Variants in CIT observed in about 807,000 individuals in gnomAD.
CIT encodes the protein citron rho-interacting serine/threonine kinase.
In CIT, 79 loss-of-function variants were observed where a neutral mutation model predicts 272.7. The ratio of observed to expected loss-of-function variants is 0.29; its 90% CI spans 0.24 to 0.35. The LOEUF (loss-of-function observed/expected upper bound fraction) is 0.35, where lower values mean the gene tolerates loss of function less well. Ranked by LOEUF, CIT falls within the 10% of genes least tolerant of loss-of-function variation. The pLI, the probability that CIT is intolerant of heterozygous loss-of-function variation, is 1.00. For synonymous variants in CIT, 948 were observed against 995.6 expected, an observed-to-expected ratio of 0.95 and a Z score of 0.90; for missense variants, 1,909 against 2,618.3, an observed-to-expected ratio of 0.73 and a Z score of 5.91.
intron 24 of CIT, among the ~76,000 whole-genome samples, chr12:119,740,019 A>G (rs538391157): frequency 6.6e-6 from 1 of 152,364 alleles, no homozygotes; most frequent in East Asian, 1.9e-4. Context: ...TAGGTTACTA[A>G]GAGGCCAATT....
intron 46 of CIT, among the ~76,000 whole-genome samples, chr12:119,693,797 A>T (rs1402765327): frequency 6.6e-6 from 1 of 152,226 alleles, no homozygotes; most frequent in Non-Finnish European, 1.5e-5. Flanking sequence ...CAAAAGAGAG[A>T]TTATTCATTA....
rs530953407 is a variant in CIT, at chr12:119,710,430, G to A, written c.4936-44C>T. 3.7e-5 allele frequency: 59 copies of A among 1,613,452 alleles called. No homozygotes were observed. In the East Asian group the frequency reaches 5.1e-4, roughly 14 times the overall value. On this transcript the variant is annotated intron_variant, in intron 38 of 47. Coordinates refer to ENST00000392521, the MANE Select transcript of CIT (RefSeq NM_001206999.2). The surrounding 1 kb of genome is among the most constrained non-coding windows in gnomAD (Gnocchi z 5.6). ...GAAGGCAGAACATAAGCACGGTCAC[G>A]TCACCAGAACAATCTCTAGTAAGAG...
intron 13 of CIT, 49 bp from the exon 14 acceptor site, chr12:119,776,891 A>T: frequency 2.5e-6 from 4 of 1,580,884 alleles, no homozygotes; most frequent in Non-Finnish European, 3.5e-6. Flanking sequence ...CTCCGAAAAG[A>T]ATAGACAGGC....
chr12:119,742,506 A>G, intron 23 of CIT, 42 bp from the exon 24 acceptor site: 1 of 1,488,620 alleles, frequency 6.7e-7, no homozygotes, highest in Non-Finnish European at 9.2e-7. Context: ...CATAGGGTAG[A>G]ATACAATTCT....
At chr12:119,821,862 T>C (rs112838900) in intron 9 of CIT, among the ~76,000 whole-genome samples, 175 of 152,272 alleles carry the variant, frequency 1.1e-3, no homozygotes, top group African/African-American at 3.9e-3. Context: ...CCAAGAAAGA[T>C]TTATGGAAAT....
At chr12:119,716,025 C>T (rs1192586014) in intron 32 of CIT, among the ~76,000 whole-genome samples, 1 of 152,128 alleles carries the variant, frequency 6.6e-6, no homozygotes, top group Non-Finnish European at 1.5e-5. Context: ...TCAGTGGACA[C>T]CACAGCCAGA....
intron 10 of CIT, among the ~76,000 whole-genome samples, chr12:119,796,626 A>G (rs1965754465): frequency 6.6e-6 from 1 of 152,216 alleles, no homozygotes; most frequent in Non-Finnish European, 1.5e-5. Flanking sequence ...CTGGTAAAAC[A>G]TCCTGGTGAT....
intron 10 of CIT, among the ~76,000 whole-genome samples, chr12:119,785,280 G>A (rs1341961069): frequency 1.3e-5 from 2 of 152,180 alleles, no homozygotes; most frequent in Admixed American, 6.5e-5. Context: ...CTTTGCAGAT[G>A]GGATTTAAGT....
intron 23 of CIT, among the ~76,000 whole-genome samples, chr12:119,749,943 C>T (rs927654088): frequency 4.6e-5 from 7 of 152,268 alleles, no homozygotes; most frequent in African/African-American, 1.7e-4. Context: ...GGATAAGATA[C>T]ACAGTCACCC....
chr12:119,712,063 CAGAG>C lies in CIT; in HGVS notation c.4854+111_4854+114del, dbSNP rs1433772835. On this transcript the variant is annotated intron_variant, in intron 37 of 47. Transcript: ENST00000392521. This position sits in a 1 kb window ranked among gnomAD's most constrained non-coding sequence, Gnocchi z 5.2. Reference sequence around the variant, plus strand: ...GACACAGTCTAGAGCCATCAGCCCTCAGAGAGAGAGCCTGAGGGGAATCAAAATG... The same window carrying C: ...GACACAGTCTAGAGCCATCAGCCCTCAGAGAGCCTGAGGGGAATCAAAATG... The C allele has an allele frequency of 1.0e-5, 11 of 1,049,374 alleles. No homozygotes were observed. The highest frequency in any genetic ancestry group is 6.9e-5 in the Admixed American group (3 of 43,424). The allele number at this position is 1,049,374 out of a possible 1,614,324, so 65.0% of individuals were successfully genotyped here.
intron 10 of CIT, among the ~76,000 whole-genome samples, chr12:119,788,197 G>A (rs1964978528): frequency 2.6e-5 from 4 of 152,246 alleles, no homozygotes; most frequent in East Asian, 3.9e-4. Context: ...CAAGTTCTAC[G>A]CTTCTCACCA....
intron 40 of CIT, among the ~76,000 whole-genome samples, chr12:119,705,697 G>A (rs1387423784): frequency 6.9e-6 from 1 of 145,544 alleles, no homozygotes; most frequent in East Asian, 2.1e-4. Context: ...ACTTGAACCT[G>A]GGAGGCAGAG....
chr12:119,809,847 A>G (rs1966794930), intron 9 of CIT, among the ~76,000 whole-genome samples: 1 of 152,186 alleles, frequency 6.6e-6, no homozygotes, highest in African/African-American at 2.4e-5. Flanking sequence ...ATGGTTGTTG[A>G]TCATGCCTAT....
intron 9 of CIT, among the ~76,000 whole-genome samples, chr12:119,812,568 T>C (rs951610769): frequency 6.6e-6 from 1 of 151,856 alleles, no homozygotes; most frequent in Non-Finnish European, 1.5e-5. Context: ...GCCTCCCAAG[T>C]AGCTGGGATT....
Position 119,784,906 on chromosome 12 carries a change from T to C in CIT, c.1401+54A>G. On this transcript the variant is annotated intron_variant, in intron 11 of 47. Coordinates refer to ENST00000392521, the MANE Select transcript of CIT (RefSeq NM_001206999.2). The surrounding 1 kb of genome is among the most constrained non-coding windows in gnomAD (Gnocchi z 4.7). ...GGCCCCGGGCGGATCCCTTGGCATA[T>C]ACGGACGGGAGGATCCTGGAGCAAG... 1.2e-6 allele frequency: 2 copies of C among 1,601,960 alleles called. No homozygotes were observed. The highest frequency in any genetic ancestry group is 1.7e-6 in the Non-Finnish European group (2 of 1,173,858).
chr12:119,737,671 G>A (rs191704798), intron 24 of CIT, among the ~76,000 whole-genome samples: 3 of 152,180 alleles, frequency 2.0e-5, no homozygotes, highest in African/African-American at 4.8e-5. Flanking sequence ...GGGTTCTCAC[G>A]CCTCTAATTA....
At chr12:119,828,996 A>C (rs1286880719) in intron 7 of CIT, among the ~76,000 whole-genome samples, 1 of 151,902 alleles carries the variant, frequency 6.6e-6, no homozygotes, top group Non-Finnish European at 1.5e-5. Context: ...AAAGAAAGGA[A>C]GGAAGGAAGG....
At chr12:119,834,367 A>C in intron 5 of CIT, 139 bp from the exon 6 acceptor site, 1 of 727,536 alleles carries the variant, frequency 1.4e-6, no homozygotes, top group Non-Finnish European at 2.2e-6. Flanking sequence ...GCACGCTGTA[A>C]GTCATGTAGG....
At chr12:119,829,350 AGAAG>A (rs1968429022) in intron 7 of CIT, among the ~76,000 whole-genome samples, 1 of 44,908 alleles carries the variant, frequency 2.2e-5, no homozygotes, top group Non-Finnish European at 6.0e-5. Context: ...AGAAAAGAAG[AGAAG>A]AGAAGAGAAG....
Sources: allele counts gnomAD v4.1 joint callset (sites outside exome capture counted in the v4.1 genomes callset), GRCh38; gene constraint gnomAD v4.1.1; non-coding constraint Gnocchi (gnomAD v3.1); transcripts MANE v1.5; gene names NCBI Gene and HGNC (gene_info 2026-07-23, HGNC 2026-07-21).